Variants in IKZF2 observed in about 807,000 individuals in gnomAD.
IKZF2 encodes the protein IKAROS family zinc finger 2, also known as zinc finger protein Helios.
IKZF2 carries 15 observed loss-of-function variants against 49.2 expected under a neutral mutation model. That is an observed-to-expected ratio of 0.30 (90% CI 0.20 to 0.47). IKZF2 has a LOEUF of 0.47. Among genes scored for constraint, IKZF2 ranks in the 20% least tolerant of loss-of-function variants. The probability of loss-of-function intolerance (pLI) is 1.00; values close to 1 mark genes in which losing one functional copy is unlikely to be tolerated. For missense variants in IKZF2, 567 were observed against 664.6 expected (o/e 0.85, Z 1.61); for synonymous variants, 227 against 221.4 (o/e 1.03, Z -0.23).
In IKZF2 at chr2:213,057,005, G is replaced by A. The variant is rs144178264; in HGVS notation, c.234C>T (p.Ser78=). 4.8e-4 allele frequency: 781 copies of A among 1,613,906 alleles called. No homozygotes were observed. The highest frequency in any genetic ancestry group is 6.0e-4 in the Admixed American group (36 of 59,954). ...TCTCAATTAGGGGTTCTTCTAGGCT[G>A]CTACCCTCATCATGGCCCCTGATCT... ...EDEIRGHDEG[S]SLEEPLIESS... Residue 78 remains serine, a synonymous_variant, in exon 5 of 9, where the codon AGC becomes AGT. Coordinates refer to ENST00000434687, the MANE Select transcript of IKZF2 (RefSeq NM_001387220.1).
rs775277660 is a variant in IKZF2 at position 213,079,152 on chromosome 2, G to A, written c.140-22053C>T. ...TAGTCCCAACAGTTTGGGAGCCTGGGTAGATCACTTGAGCCCACTGGTTCA... is the reference window on the plus strand; with the variant it reads ...TAGTCCCAACAGTTTGGGAGCCTGGATAGATCACTTGAGCCCACTGGTTCA... On this transcript the variant is annotated intron_variant, in intron 4 of 8. Coordinates refer to ENST00000434687, the MANE Select transcript of IKZF2 (RefSeq NM_001387220.1). Among the ~76,000 whole-genome samples, 8 of 152,154 alleles carry A rather than the reference G, an allele frequency of 5.3e-5. No individual in the cohort carries two copies. In the East Asian group the frequency reaches 1.6e-3, roughly 29 times the overall value.
intron 4 of IKZF2, among the ~76,000 whole-genome samples, chr2:213,135,076 A>G (rs936579687): frequency 6.6e-6 from 1 of 152,210 alleles, no homozygotes; most frequent in Non-Finnish European, 1.5e-5. Context: ...CTTGCTAAAA[A>G]TAGTTTCTCT....
chr2:213,012,003 T>C (rs558184000), intron 8 of IKZF2, among the ~76,000 whole-genome samples: 2 of 152,070 alleles, frequency 1.3e-5, no homozygotes, highest in East Asian at 3.9e-4. Context: ...GAGAGACAAG[T>C]AGATATGCAG....
chr2:213,126,965 C>A (rs1266277165), intron 4 of IKZF2, among the ~76,000 whole-genome samples: 1 of 152,162 alleles, frequency 6.6e-6, no homozygotes, highest in Non-Finnish European at 1.5e-5. Flanking sequence ...ACAGCCCATA[C>A]AGCATTCTGA....
intron 4 of IKZF2, among the ~76,000 whole-genome samples, chr2:213,126,678 C>A (rs1270050546): frequency 6.6e-6 from 1 of 151,796 alleles, no homozygotes; most frequent in Non-Finnish European, 1.5e-5. Context: ...TGCAGACTTG[C>A]AATAGGTACG....
intron 4 of IKZF2, among the ~76,000 whole-genome samples, chr2:213,114,255 C>A (rs1453833400): frequency 6.6e-6 from 1 of 152,064 alleles, no homozygotes; most frequent in Non-Finnish European, 1.5e-5. Context: ...GGCAAAGGTG[C>A]AACGGGTTTT....
At chr2:213,013,736 G>A in intron 8 of IKZF2, 55 bp downstream of exon 8, 2 of 1,507,734 alleles carry the variant, frequency 1.3e-6, no homozygotes, top group Middle Eastern at 1.8e-4. Context: ...ATGGGAACTT[G>A]CCTTTTCCTA....
At chr2:213,141,878 C>G (rs2060887828) in intron 4 of IKZF2, among the ~76,000 whole-genome samples, 1 of 152,066 alleles carries the variant, frequency 6.6e-6, no homozygotes, top group East Asian at 1.9e-4. Flanking sequence ...TAGAATTGAA[C>G]AGCAAAATGT....
intron 4 of IKZF2, among the ~76,000 whole-genome samples, chr2:213,097,028 G>A (rs906701054): frequency 1.3e-5 from 2 of 151,608 alleles, no homozygotes; most frequent in Non-Finnish European, 2.9e-5. Flanking sequence ...TTTGAAAAAC[G>A]CCAATTTAAA....
At chr2:213,018,656 T>G (rs866713328) in intron 7 of IKZF2, among the ~76,000 whole-genome samples, 9 of 152,302 alleles carry the variant, frequency 5.9e-5, no homozygotes, top group Middle Eastern at 6.8e-3. Context: ...ATTCAAACAC[T>G]AGCTTAGCAG....
chr2:213,136,452 G>T lies in IKZF2; in HGVS notation c.139+11256C>A, dbSNP rs73079210. On this transcript the variant is annotated intron_variant, in intron 4 of 8. Coordinates refer to ENST00000434687, the MANE Select transcript of IKZF2 (RefSeq NM_001387220.1). ...AGAAAAAGAAAATACCTTATATTTTGACTAAATCTATAGTAAAATAGTATT... is the reference window on the plus strand; with the variant it reads ...AGAAAAAGAAAATACCTTATATTTTTACTAAATCTATAGTAAAATAGTATT... Among the ~76,000 whole-genome samples the T allele has an allele frequency of 4.0e-5, 6 of 149,618 alleles. No individual in the cohort carries two copies. The East Asian group carries it at 1.2e-3, about 29-fold the overall frequency.
intron 6 of IKZF2, among the ~76,000 whole-genome samples, chr2:213,048,830 C>G (rs1212386428): frequency 1.3e-5 from 2 of 152,122 alleles, no homozygotes; most frequent in African/African-American, 4.8e-5. Context: ...ACAACCTCAG[C>G]ACTCTCTAAT....
At chr2:213,049,236 A>G (rs1559206618) in intron 6 of IKZF2, among the ~76,000 whole-genome samples, 1 of 152,122 alleles carries the variant, frequency 6.6e-6, no homozygotes, top group Admixed American at 6.6e-5. Flanking sequence ...AAAATACTCG[A>G]AAAGCCAATT....
chr2:213,057,047 G>A lies in IKZF2; in HGVS notation c.192C>T (p.Pro64=), dbSNP rs1701230102. The part of the protein sequence containing the change: ...MQSDEECDRK[P]LSREDEIRGH... ...CCCTGATCTCATCTTCACGGCTCAG[G>A]GGTTTCCTGTCACACTCTTCATCAC... The change falls in exon 5 of 9, where the codon CCC becomes CCT. Residue 64 remains proline (P), a synonymous_variant. Coordinates refer to ENST00000434687, the MANE Select transcript of IKZF2 (RefSeq NM_001387220.1). 2 of 1,613,498 alleles carry A rather than the reference G, an allele frequency of 1.2e-6. No homozygotes were observed. The highest frequency in any genetic ancestry group is 2.7e-5 in the African/African-American group (2 of 74,822).
At chr2:213,143,750 C>T (rs2060951683) in intron 4 of IKZF2, among the ~76,000 whole-genome samples, 3 of 151,874 alleles carry the variant, frequency 2.0e-5, no homozygotes, top group Non-Finnish European at 4.4e-5. Context: ...TGGTAAGTCC[C>T]ATAATATAGG....
chr2:213,059,812 C>A (rs923846569), intron 4 of IKZF2, among the ~76,000 whole-genome samples: 5 of 151,168 alleles, frequency 3.3e-5, no homozygotes, highest in Admixed American at 2.0e-4. Context: ...TGAGATATTA[C>A]AAATATAGTT....
At chr2:213,137,648 A>G (rs1387317506) in intron 4 of IKZF2, among the ~76,000 whole-genome samples, 2 of 152,144 alleles carry the variant, frequency 1.3e-5, no homozygotes, top group African/African-American at 4.8e-5. Context: ...GACCATCTGA[A>G]TAATAAGCAT....
At position 213,051,894 on chromosome 2, in the gene IKZF2, T is replaced by G. The variant is rs576829614; in HGVS notation, c.407-2014A>C. On this transcript the variant is annotated intron_variant, in intron 5 of 8. Coordinates refer to ENST00000434687, the MANE Select transcript of IKZF2 (RefSeq NM_001387220.1). The stretch of plus-strand genomic sequence containing the variant: ...TAAATTACTAAGTGTGGTGAACAAT[T>G]TGAAGTCATGTCTGCCTTTAGATAA... 5.2e-4 allele frequency among the ~76,000 whole-genome samples: 79 copies of G among 152,108 alleles called. 1 individual carries two copies. The highest frequency in any genetic ancestry group is 1.8e-3 in the African/African-American group (76 of 41,560).
intron 4 of IKZF2, among the ~76,000 whole-genome samples, chr2:213,133,970 C>CT (rs2060567105): frequency 6.6e-6 from 1 of 152,022 alleles, no homozygotes; most frequent in African/African-American, 2.4e-5. Flanking sequence ...TATTTATGGG[C>CT]TTAGTAAACC....
Sources: allele counts gnomAD v4.1 joint callset (sites outside exome capture counted in the v4.1 genomes callset), GRCh38; gene constraint gnomAD v4.1.1; transcripts MANE v1.5; gene names NCBI Gene and HGNC (gene_info 2026-07-23, HGNC 2026-07-21).